Variants in PIK3R1 observed in about 807,000 individuals in gnomAD.
PIK3R1 encodes phosphatidylinositol 3-kinase regulatory subunit alpha.
In PIK3R1, 29 loss-of-function variants were observed where a neutral mutation model predicts 98.0. The observed-to-expected ratio is 0.30, with a 90% CI of 0.22 to 0.40. PIK3R1 has a LOEUF of 0.40. PIK3R1 is among the 10% of genes least tolerant of loss of function. The pLI, the probability that PIK3R1 is intolerant of heterozygous loss-of-function variation, is 1.00. For missense variants in PIK3R1, 596 were observed against 872.7 expected, an observed-to-expected ratio of 0.68 and a Z score of 3.99; for synonymous variants, 282 against 311.8, an observed-to-expected ratio of 0.90 and a Z score of 1.01.
intron 12 of PIK3R1, 147 bp downstream of exon 12, chr5:68,294,825 A>C: frequency 6.5e-6 from 1 of 153,682 alleles, no homozygotes; most frequent in Non-Finnish European, 1.3e-5. Flanking sequence ...TGGGGGGAGG[A>C]GGGAGGGATA....
At chr5:68,229,935 A>AT (rs1744409647) in intron 2 of PIK3R1, among the ~76,000 whole-genome samples, 1 of 152,196 alleles carries the variant, frequency 6.6e-6, no homozygotes, top group Admixed American at 6.5e-5. Flanking sequence ...TAATTGGATA[A>AT]TTTTGGATGT....
At chr5:68,222,253 G>T (rs1744117418) in intron 1 of PIK3R1, among the ~76,000 whole-genome samples, 2 of 152,190 alleles carry the variant, frequency 1.3e-5, no homozygotes, top group South Asian at 4.1e-4. Flanking sequence ...AGGGGTGGTG[G>T]TTACACAGGT....
In PIK3R1 at chr5:68,279,609, C is replaced by G. The variant is rs1746736250; in HGVS notation, c.510C>G (p.Pro170=). ...TCTTAAATTGTTTCCTAGATACACC[C>G]TCCGTGGACTTGGAAATGATCGATG... is the stretch of plus-strand genomic sequence containing the variant. The part of the protein sequence containing the change: ...ELRQLLDCDT[P]SVDLEMIDVH... The change falls in exon 5 of 16, where the codon CCC becomes CCG. Residue 170 remains proline, a synonymous_variant. Coordinates refer to ENST00000521381, the MANE Select transcript of PIK3R1 (RefSeq NM_181523.3). 2.5e-6 allele frequency: 4 copies of G among 1,613,024 alleles called. No individual in the cohort carries two copies. The highest frequency in any genetic ancestry group is 3.3e-5 in the Admixed American group (2 of 59,962).
intron 15 of PIK3R1, among the ~76,000 whole-genome samples, 154 bp from the exon 16 acceptor site, chr5:68,297,258 C>G (rs748925600): frequency 7.9e-5 from 12 of 152,194 alleles, no homozygotes; most frequent in Non-Finnish European, 1.6e-4. Context: ...AGCTGGGTTA[C>G]CTACCCAAGG....
At chr5:68,222,048 A>G (rs929439627) in intron 1 of PIK3R1, among the ~76,000 whole-genome samples, 8 of 152,248 alleles carry the variant, frequency 5.3e-5, no homozygotes, top group Non-Finnish European at 1.0e-4. Context: ...TGCCTTGGTT[A>G]TTTGAAAATA....
chr5:68,278,995 A>C (rs1457281167), intron 4 of PIK3R1, among the ~76,000 whole-genome samples: 2 of 152,110 alleles, frequency 1.3e-5, no homozygotes, highest in Non-Finnish European at 2.9e-5. Context: ...TCCGAGAAAA[A>C]AGCATGTTTG....
At chr5:68,235,318 G>A (rs534955440) in intron 2 of PIK3R1, among the ~76,000 whole-genome samples, 74 of 152,064 alleles carry the variant, frequency 4.9e-4, no homozygotes, top group East Asian at 3.3e-3. Flanking sequence ...CAGGAGAATC[G>A]CTTGAAACTG....
At chr5:68,251,175 G>C (rs1745292852) in intron 2 of PIK3R1, among the ~76,000 whole-genome samples, 1 of 152,098 alleles carries the variant, frequency 6.6e-6, no homozygotes, top group South Asian at 2.1e-4. Flanking sequence ...GGATACAGTG[G>C]TTATATTAGT....
chr5:68,275,982 C>T (rs1004328300), intron 4 of PIK3R1, among the ~76,000 whole-genome samples: 2 of 152,216 alleles, frequency 1.3e-5, no homozygotes, highest in Non-Finnish European at 2.9e-5. Flanking sequence ...AACTTTAACT[C>T]ACCAGAAAAG....
chr5:68,235,357 T>C (rs1400428873), intron 2 of PIK3R1, among the ~76,000 whole-genome samples: 2 of 151,946 alleles, frequency 1.3e-5, no homozygotes, highest in Non-Finnish European at 2.9e-5. Flanking sequence ...GAGCCGAGAT[T>C]GTGCCACTGC....
In PIK3R1 at chr5:68,298,434, T is replaced by A. The variant is rs531173239; in HGVS notation, c.*833T>A. ...GCAATTCTTAATTTTCATTAAGTTG[T>A]TATTTCAGTTTTAAATGTACCTTCA... is the stretch of plus-strand genomic sequence containing the variant. On this transcript the variant is annotated 3_prime_UTR_variant, in exon 16 of 16. Coordinates refer to ENST00000521381, the MANE Select transcript of PIK3R1 (RefSeq NM_181523.3). 1 of 233,418 alleles carries A rather than the reference T, an allele frequency of 4.3e-6. No homozygotes were observed. Among genetic ancestry groups the A allele is most frequent in the South Asian group, 1.8e-4 (1 of 5,526 alleles). 14.5% of individuals were successfully genotyped at this position (233,418 alleles called of 1,614,324 possible). A position where few individuals can be genotyped will look rare whatever the true frequency, so the allele number is the denominator to read the frequency against.
intron 7 of PIK3R1, among the ~76,000 whole-genome samples, chr5:68,287,236 G>GA (rs561980827): frequency 6.6e-6 from 1 of 152,174 alleles, no homozygotes; most frequent in Non-Finnish European, 1.5e-5. Flanking sequence ...ATAGAAAACA[G>GA]AAAAAACCAG....
chr5:68,262,377 C>CTA (rs1745791004), intron 2 of PIK3R1, among the ~76,000 whole-genome samples: 1 of 120,538 alleles, frequency 8.3e-6, no homozygotes, highest in South Asian at 2.6e-4. Context: ...AGGCTTCTTT[C>CTA]TATAATTTTT....
chr5:68,232,745 T>G (rs1470416110), intron 2 of PIK3R1, among the ~76,000 whole-genome samples: 24 of 152,252 alleles, frequency 1.6e-4, no homozygotes, highest in Admixed American at 1.6e-3. Context: ...TTGTTAAGGC[T>G]TCTGTTCTAT....
chr5:68,230,148 C>T (rs977115775), intron 2 of PIK3R1, among the ~76,000 whole-genome samples: 5 of 152,226 alleles, frequency 3.3e-5, no homozygotes, highest in Admixed American at 6.5e-5. Context: ...GACCCACTCT[C>T]ACTTCTCTGC....
At chr5:68,266,635 G>C (rs2431167) in intron 2 of PIK3R1, among the ~76,000 whole-genome samples, 44,816 of 152,082 alleles carry the variant, frequency 0.29, 8,140 homozygotes, top group Non-Finnish European at 0.38. Flanking sequence ...TTTAAAGAAG[G>C]GAGGCTTGCA....
rs1747817814 is a variant in PIK3R1, at chr5:68,297,842, G to C, written c.*241G>C. On this transcript the variant is annotated 3_prime_UTR_variant, in exon 16 of 16. Coordinates refer to ENST00000521381, the MANE Select transcript of PIK3R1 (RefSeq NM_181523.3). ...ATCCCTTCTTTTTCTTTTTTTCTTT[G>C]GTTTAATTTAAAGCCACAACCACAT... The C allele has an allele frequency of 2.9e-6, 1 of 348,136 alleles. No individual in the cohort carries two copies. Among genetic ancestry groups the C allele is most frequent in the Non-Finnish European group, 5.2e-6 (1 of 192,950 alleles). 21.6% of individuals were successfully genotyped at this position (348,136 alleles called of 1,614,324 possible).
chr5:68,293,894 A>C, intron 11 of PIK3R1, 60 bp downstream of exon 11: 1 of 1,314,112 alleles, frequency 7.6e-7, no homozygotes, highest in Non-Finnish European at 1.1e-6. Context: ...AAAGACTAAC[A>C]TGGAAAAAAG....
chr5:68,252,210 G>C (rs1745338786), intron 2 of PIK3R1, among the ~76,000 whole-genome samples: 1 of 152,212 alleles, frequency 6.6e-6, no homozygotes. Context: ...AGGATCAGCA[G>C]AATTACAGGC....
Sources: gnomAD v4.1 joint callset for allele counts (sites outside exome capture counted in the v4.1 genomes callset) on GRCh38, gnomAD v4.1.1 for gene constraint, MANE v1.5 for transcripts, NCBI Gene and HGNC (gene_info 2026-07-23, HGNC 2026-07-21) for gene names.